The following SOX6 variants were observed in gnomAD, a reference collection of about 807,000 sequenced individuals.
SOX6 encodes the protein transcription factor SOX-6.
A neutral mutation model predicts 97.8 loss-of-function variants in SOX6; 11 were observed. The ratio of observed to expected loss-of-function variants is 0.11; its 90% CI spans 0.07 to 0.19. SOX6 has a LOEUF of 0.19. SOX6 is among the 10% of genes least tolerant of loss of function. The probability of loss-of-function intolerance (pLI) is 1.00; values close to 1 mark genes in which losing one functional copy is unlikely to be tolerated. For synonymous variants in SOX6, 360 were observed against 371.4 expected (o/e 0.97, Z 0.35); for missense variants, 810 against 1,039.5 (o/e 0.78, Z 3.04).
chr11:16,136,876 C>A (rs1028181871), intron 6 of SOX6, among the ~76,000 whole-genome samples: 1 of 152,158 alleles, frequency 6.6e-6, no homozygotes, highest in Non-Finnish European at 1.5e-5. Context: ...TCTCTCCAGA[C>A]CATAAACCAA....
In SOX6 at chr11:16,396,508, G is replaced by A. The variant is rs1439152423; in HGVS notation, c.-4-55256C>T. On this transcript the variant is annotated intron_variant, in intron 1 of 15. Coordinates refer to the SOX6 transcript ENST00000396356. ...TCATTTAAGCATTAAATGACAAAAT[G>A]CTAATTTGAATTGTTTTTATTCCCA... is the stretch of plus-strand genomic sequence containing the variant. 2.0e-5 allele frequency among the ~76,000 whole-genome samples: 3 copies of A among 151,582 alleles called. No homozygotes were observed. In the East Asian group the frequency reaches 5.8e-4, roughly 29 times the overall value.
At chr11:16,305,120 G>A (rs955543157) in intron 3 of SOX6, among the ~76,000 whole-genome samples, 5 of 152,058 alleles carry the variant, frequency 3.3e-5, no homozygotes, top group African/African-American at 9.7e-5. Flanking sequence ...ATGTAAAGAG[G>A]ATAACAGACA....
intron 6 of SOX6, among the ~76,000 whole-genome samples, chr11:16,114,832 C>T (rs1849308826): frequency 1.5e-5 from 2 of 135,518 alleles, no homozygotes; most frequent in Non-Finnish European, 3.5e-5. Flanking sequence ...TATTGGTCGC[C>T]CAAGCTCTTC....
At chr11:16,249,411 A>ATCTCCATC (rs527791823) in intron 3 of SOX6, among the ~76,000 whole-genome samples, 111 of 152,326 alleles carry the variant, frequency 7.3e-4, no homozygotes, top group African/African-American at 2.6e-3. Flanking sequence ...CAAGTTCCTT[A>ATCTCCATC]TCTCCATCTG....
At chr11:16,401,739 CA>C (rs1233914617) in intron 1 of SOX6, among the ~76,000 whole-genome samples, 6 of 151,324 alleles carry the variant, frequency 4.0e-5, no homozygotes, top group African/African-American at 1.5e-4. Context: ...CACGGCTTCT[CA>C]AAAGAATAAA....
At chr11:16,345,431 G>A (rs957311680) in intron 1 of SOX6, among the ~76,000 whole-genome samples, 4 of 152,002 alleles carry the variant, frequency 2.6e-5, no homozygotes, top group South Asian at 2.1e-4. Flanking sequence ...GAAGAACTTC[G>A]GGCTTAGGAC....
At chr11:16,183,807 A>C in intron 6 of SOX6, 79 bp downstream of exon 6, 11 of 1,257,426 alleles carry the variant, frequency 8.7e-6, no homozygotes, top group East Asian at 2.4e-5. Flanking sequence ...ACAGGGGTAC[A>C]TCTGCAGAGT....
intron 6 of SOX6, among the ~76,000 whole-genome samples, chr11:16,175,812 C>A (rs1016721333): frequency 6.6e-5 from 10 of 151,648 alleles, no homozygotes; most frequent in African/African-American, 2.4e-4. Flanking sequence ...TTTTCATACA[C>A]CTTCTCCAAA....
chr11:16,683,389 A>G (rs2134031292), intron 3 of SOX6, among the ~76,000 whole-genome samples: 1 of 152,338 alleles, frequency 6.6e-6, no homozygotes, highest in Non-Finnish European at 1.5e-5. Flanking sequence ...AAACAGATAT[A>G]TAGACCAATA....
chr11:16,311,774 A>T (rs1590114750), intron 3 of SOX6: 2 of 152,326 alleles, frequency 1.3e-5, no homozygotes, highest in South Asian at 4.1e-4. Flanking sequence ...TGACTTTTAA[A>T]AATGAATTTC....
chr11:16,493,968 G>A (rs147099101), intron 4 of SOX6, among the ~76,000 whole-genome samples: 92 of 152,166 alleles, frequency 6.0e-4, no homozygotes, highest in East Asian at 6.0e-3. Flanking sequence ...AAGAATATTC[G>A]CTGCAATATT....
At chr11:16,141,341 G>A (rs1431351517) in intron 6 of SOX6, among the ~76,000 whole-genome samples, 2 of 152,144 alleles carry the variant, frequency 1.3e-5, no homozygotes, top group African/African-American at 4.8e-5. Context: ...TCCCAGCCCT[G>A]ACTGCTTCAT....
intron 4 of SOX6, among the ~76,000 whole-genome samples, chr11:16,504,542 C>A (rs1031918310): frequency 3.3e-5 from 5 of 149,630 alleles, no homozygotes; most frequent in Non-Finnish European, 5.9e-5. Flanking sequence ...AAGACCTCTA[C>A]AAGGAAAACT....
intron 4 of SOX6, among the ~76,000 whole-genome samples, chr11:16,524,246 C>T (rs1430688774): frequency 3.3e-5 from 5 of 151,512 alleles, no homozygotes; most frequent in Admixed American, 6.6e-5. Context: ...ACTGGCAAAC[C>T]GAATCCAGCA....
At chr11:16,426,113 A>T (rs1859123149) in intron 1 of SOX6, among the ~76,000 whole-genome samples, 1 of 151,304 alleles carries the variant, frequency 6.6e-6, no homozygotes, top group Non-Finnish European at 1.5e-5. Context: ...AAAATTAGCC[A>T]GGCGTGGTGG....
At chr11:16,689,911 T>C (rs1847999382) in intron 3 of SOX6, among the ~76,000 whole-genome samples, 1 of 152,028 alleles carries the variant, frequency 6.6e-6, no homozygotes, top group Non-Finnish European at 1.5e-5. Context: ...ATAATCAATT[T>C]TTGTAAATGT....
At chr11:16,538,981 G>C (rs2133175583) in intron 4 of SOX6, among the ~76,000 whole-genome samples, 1 of 152,288 alleles carries the variant, frequency 6.6e-6, no homozygotes, top group South Asian at 2.1e-4. Context: ...GGACCTAATA[G>C]ACATCTACAG....
At chr11:16,068,663 C>T (rs1294712666) in intron 9 of SOX6, among the ~76,000 whole-genome samples, 1 of 152,060 alleles carries the variant, frequency 6.6e-6, no homozygotes, top group East Asian at 1.9e-4. Flanking sequence ...AATCTCCTTG[C>T]CCCTCCTGCA....
At position 16,585,743 on chromosome 11, in the gene SOX6, C is replaced by T. The variant is rs1265015732; in HGVS notation, n.609+26338G>A. On this transcript the variant is annotated intron_variant and non_coding_transcript_variant, in intron 4 of 5. Transcript: ENST00000524520. ...TGTCACCCAGGCTGTAGTGCAGTGG[C>T]GTGATCACGGTTTGCCACAGCCAGG... Among the ~76,000 whole-genome samples the T allele has an allele frequency of 9.2e-5, 12 of 131,022 alleles. No homozygotes were observed. In the South Asian group the frequency reaches 1.2e-3, roughly 13 times the overall value. The allele number at this position is 131,022 out of a possible 152,430, so 86.0% of individuals were successfully genotyped here. A position where few individuals can be genotyped will look rare whatever the true frequency, so the allele number is the denominator to read the frequency against.
Sources: gnomAD v4.1 joint callset for allele counts (sites outside exome capture counted in the v4.1 genomes callset) on GRCh38, gnomAD v4.1.1 for gene constraint, MANE v1.5 for transcripts, NCBI Gene and HGNC (gene_info 2026-07-23, HGNC 2026-07-21) for gene names.